SKI: variants seen among roughly 807,000 people sequenced by gnomAD.
SKI encodes the protein SKI proto-oncogene.
A neutral mutation model predicts 59.3 loss-of-function variants in SKI; 23 were observed. The ratio of observed to expected loss-of-function variants is 0.39; its 90% CI spans 0.28 to 0.55. The LOEUF is 0.55. SKI is among the 20% of genes least tolerant of loss of function. SKI has a pLI of 0.67. For synonymous variants in SKI, 673 were observed against 488.6 expected (o/e 1.38, Z -4.98); for missense variants, 1,017 against 1,038.9 (o/e 0.98, Z 0.29).
intron 1 of SKI, among the ~76,000 whole-genome samples, chr1:2,281,040 C>T (rs71511338): frequency 2.1e-5 from 1 of 47,346 alleles, no homozygotes; most frequent in Non-Finnish European, 4.3e-5. Flanking sequence ...AGAGAGAGGA[C>T]GCCCGAGAAG....
At position 2,273,762 on chromosome 1, in the gene SKI, G is replaced by T. The variant is rs10910044; in HGVS notation, c.970-29216G>T. Among the ~76,000 whole-genome samples, 1,254 of 152,314 alleles carry T rather than the reference G, an allele frequency of 8.2e-3. 19 individuals are homozygous for T. Among genetic ancestry groups the T allele is most frequent in the African/African-American group, 0.029 (1,192 of 41,570 alleles). ...TCGTGCAGGACCTCGAAGATGCCCC[G>T]TGGGCAGCGTTCGGGCTGAGGCTGC... is the stretch of plus-strand genomic sequence containing the variant. On this transcript the variant is annotated intron_variant, in intron 1 of 6. Coordinates refer to ENST00000378536, the MANE Select transcript of SKI (RefSeq NM_003036.4).
intron 1 of SKI, among the ~76,000 whole-genome samples, chr1:2,244,291 A>G (rs1482227056): frequency 6.7e-6 from 1 of 149,062 alleles, no homozygotes; most frequent in Non-Finnish European, 1.5e-5. Flanking sequence ...AGATTCTGTC[A>G]TTTAGGCTGG....
Position 2,229,882 on chromosome 1 carries a change from A to C in SKI, c.969+147A>C, listed in dbSNP as rs1423160472. The C allele has an allele frequency of 6.9e-7, 1 of 1,438,956 alleles. No individual in the cohort carries two copies. The highest frequency in any genetic ancestry group is 9.3e-7 in the Non-Finnish European group (1 of 1,070,106). 89.1% of individuals were successfully genotyped at this position (1,438,956 alleles called of 1,614,324 possible). A position where few individuals can be genotyped will look rare whatever the true frequency, so the allele number is the denominator to read the frequency against. On this transcript the variant is annotated intron_variant, in intron 1 of 6. Transcript: ENST00000378536. The surrounding 1 kb of genome is among the most constrained non-coding windows in gnomAD (Gnocchi z 6.3). ...TCTTCGCTTTGTTTTAGGGAAATTC[A>C]GAGTGTTCCGACTGGCAGGGCCAGA...
At position 2,303,202 on chromosome 1, in the gene SKI, G is replaced by T. The variant is rs1199964406; in HGVS notation, c.1096-83G>T. ...GCAGCTCCACCTGCCCGCTACTGAG[G>T]GCTGGCACCCGGCGCAGCCTCAGGG... On this transcript the variant is annotated intron_variant, in intron 2 of 6. Coordinates refer to ENST00000378536, the MANE Select transcript of SKI (RefSeq NM_003036.4). The surrounding 1 kb of genome is among the most constrained non-coding windows in gnomAD (Gnocchi z 5.6). 21 of 1,601,300 alleles carry T rather than the reference G, an allele frequency of 1.3e-5. No homozygotes were observed. In the East Asian group the frequency reaches 2.9e-4, roughly 22 times the overall value.
chr1:2,282,942 G>A (rs114442162), intron 1 of SKI, among the ~76,000 whole-genome samples: 1,661 of 152,352 alleles, frequency 0.011, 24 homozygotes, highest in Non-Finnish European at 0.014. Flanking sequence ...TGAAGAGGAG[G>A]CTGGGGTCCT....
chr1:2,253,200 G>A (rs972879950), intron 1 of SKI, among the ~76,000 whole-genome samples: 1 of 152,088 alleles, frequency 6.6e-6, no homozygotes, highest in South Asian at 2.1e-4. Flanking sequence ...CGCCTGCAGC[G>A]CAGCCTCCCC....
intron 1 of SKI, among the ~76,000 whole-genome samples, chr1:2,302,130 T>C (rs144748087): frequency 2.0e-5 from 3 of 152,286 alleles, no homozygotes; most frequent in African/African-American, 7.2e-5. Flanking sequence ...CATCACTCAC[T>C]GGCTCTTGGG....
intron 1 of SKI, among the ~76,000 whole-genome samples, chr1:2,252,277 G>A (rs934689526): frequency 6.6e-6 from 1 of 152,182 alleles, no homozygotes; most frequent in African/African-American, 2.4e-5. Context: ...AGCTGAGTAG[G>A]GGGCTGTGTC....
intron 1 of SKI, among the ~76,000 whole-genome samples, chr1:2,265,654 G>T (rs1639487293): frequency 6.6e-6 from 1 of 151,988 alleles, no homozygotes; most frequent in South Asian, 2.1e-4. Context: ...TGCCTGTTTG[G>T]GTGCTGAATG....
chr1:2,286,453 G>C (rs538049478), intron 1 of SKI, among the ~76,000 whole-genome samples: 1 of 152,300 alleles, frequency 6.6e-6, no homozygotes, highest in East Asian at 1.9e-4. Context: ...CTATGATGAT[G>C]CTACCGCACT....
At chr1:2,302,522 G>A (rs11576356) in intron 1 of SKI, among the ~76,000 whole-genome samples, 21,973 of 151,988 alleles carry the variant, frequency 0.14, 1,754 homozygotes, top group Middle Eastern at 0.26. Context: ...GGCTCTCGCC[G>A]TGCTGTGGCT....
chr1:2,276,950 C>A (rs1194406276), intron 1 of SKI, among the ~76,000 whole-genome samples: 2 of 152,144 alleles, frequency 1.3e-5, no homozygotes, highest in African/African-American at 4.8e-5. Context: ...GCTGCTTCCC[C>A]ACAGGGATGG....
Position 2,229,402 on chromosome 1 carries a change from G to A in SKI, c.636G>A (p.Glu212=), listed in dbSNP as rs1461255065. The A allele has an allele frequency of 6.2e-7, 1 of 1,608,864 alleles. No homozygotes were observed. The highest frequency in any genetic ancestry group is 8.5e-7 in the Non-Finnish European group (1 of 1,178,126). Residue 212 remains glutamate (E), a synonymous_variant, in exon 1 of 7, where the codon GAG becomes GAA. Transcript: ENST00000378536. This position sits in a 1 kb window ranked among gnomAD's most constrained non-coding sequence, Gnocchi z 6.3. The part of the protein sequence containing the change: ...ELAASLALGL[E]LSERSVRVYH... ...CCGCCAGCCTGGCGCTGGGCCTGGA[G>A]CTCAGCGAGCGCAGCGTCCGCGTGT...
Position 2,303,740 on chromosome 1 carries a change from T to C in SKI, c.1212-100T>C. 2 of 1,466,826 alleles carry C rather than the reference T, an allele frequency of 1.4e-6. No homozygotes were observed. The highest frequency in any genetic ancestry group is 1.9e-6 in the Non-Finnish European group (2 of 1,071,348). 90.9% of individuals were successfully genotyped at this position (1,466,826 alleles called of 1,614,324 possible). On this transcript the variant is annotated intron_variant, in intron 3 of 6. Coordinates refer to ENST00000378536, the MANE Select transcript of SKI (RefSeq NM_003036.4). The surrounding 1 kb of genome is among the most constrained non-coding windows in gnomAD (Gnocchi z 5.6). ...ACTTGAAGATTCGGAGCTGGGAAAG[T>C]CTTTCCTGTTTAACACCTTCAGAGG... is the stretch of plus-strand genomic sequence containing the variant.
chr1:2,302,991 C>T lies in SKI; in HGVS notation c.983C>T (p.Pro328Leu), dbSNP rs777251951. The change falls in exon 2 of 7, where the codon CCT becomes CTT. Residue 328 changes from proline (P) to leucine (L), a missense_variant. Transcript: ENST00000378536. ...CATTGATCGCAGGTCTCCTCTGAGCCTCCGGCCTCCATAAGACCCAAAACA... is the reference window on the plus strand; with the variant it reads ...CATTGATCGCAGGTCTCCTCTGAGCTTCCGGCCTCCATAAGACCCAAAACA... The part of the protein sequence containing the change: ...KRRVPRVSSE[P>L]PASIRPKTDD... 2.5e-6 allele frequency: 4 copies of T among 1,613,594 alleles called. No individual in the cohort carries two copies. The highest frequency in any genetic ancestry group is 3.4e-6 in the Non-Finnish European group (4 of 1,180,036).
chr1:2,277,627 T>C (rs187677744), intron 1 of SKI, among the ~76,000 whole-genome samples: 15 of 152,138 alleles, frequency 9.9e-5, no homozygotes, highest in Admixed American at 9.2e-4. Context: ...AGCGTGAAAA[T>C]GGAGTGCACA....
At chr1:2,272,515 T>TC (rs1486539898) in intron 1 of SKI, among the ~76,000 whole-genome samples, 10 of 151,834 alleles carry the variant, frequency 6.6e-5, no homozygotes, top group Middle Eastern at 3.2e-3. Flanking sequence ...GGGGCCTCCT[T>TC]CCCCCACAGG....
rs1181228275 is a variant in SKI, at chr1:2,309,663, CG to C, written c.*2900del. ...CCCTCCTCCCTGTGGGTCTGAGCCC[CG>C]GCCCCCCCCACCTCCTCCTCCCTGT... On this transcript the variant is annotated 3_prime_UTR_variant, in exon 7 of 7. Coordinates refer to ENST00000378536, the MANE Select transcript of SKI (RefSeq NM_003036.4). 3.9e-4 allele frequency: 53 copies of C among 136,492 alleles called. No individual in the cohort carries two copies. The highest frequency in any genetic ancestry group is 7.0e-4 in the Non-Finnish European group (44 of 62,576). 8.5% of individuals were successfully genotyped at this position (136,492 alleles called of 1,614,324 possible).
At chr1:2,276,605 T>C (rs1355775135) in intron 1 of SKI, among the ~76,000 whole-genome samples, 1 of 152,236 alleles carries the variant, frequency 6.6e-6, no homozygotes, top group African/African-American at 2.4e-5. Flanking sequence ...AACATGAAGC[T>C]TTTTATTTGT....
Sources: allele counts gnomAD v4.1 joint callset (sites outside exome capture counted in the v4.1 genomes callset), GRCh38; gene constraint gnomAD v4.1.1; non-coding constraint Gnocchi (gnomAD v3.1); transcripts MANE v1.5; gene names NCBI Gene and HGNC (gene_info 2026-07-23, HGNC 2026-07-21).